SASH1: variants seen among roughly 807,000 people sequenced by gnomAD.
SASH1 encodes SAM and SH3 domain-containing protein 1.
SASH1 carries 44 observed loss-of-function variants against 125.2 expected under a neutral mutation model. The ratio of observed to expected loss-of-function variants is 0.35; its 90% CI spans 0.28 to 0.45. The LOEUF is 0.45. Among genes scored for constraint, SASH1 ranks in the 20% least tolerant of loss-of-function variants. The pLI, the probability that SASH1 is intolerant of heterozygous loss-of-function variation, is 1.00. For synonymous variants in SASH1, 639 were observed against 649.1 expected (o/e 0.98, Z 0.24); for missense variants, 1,426 against 1,614.5 (o/e 0.88, Z 2.00).
At chr6:148,358,963 C>T (rs1213999223) in intron 1 of SASH1, among the ~76,000 whole-genome samples, 2 of 151,982 alleles carry the variant, frequency 1.3e-5, no homozygotes, top group Non-Finnish European at 2.9e-5. Context: ...TCTTGATCTC[C>T]TGACCTTGTG....
At chr6:148,353,863 A>G (rs1781829045) in intron 1 of SASH1, among the ~76,000 whole-genome samples, 1 of 152,188 alleles carries the variant, frequency 6.6e-6, no homozygotes, top group Non-Finnish European at 1.5e-5. Flanking sequence ...TGTGTAAAAT[A>G]TCTTCTATAC....
chr6:148,206,161 C>A, the SASH1 span, among the ~76,000 whole-genome samples: 2 of 152,010 alleles, frequency 1.3e-5, no homozygotes, highest in Non-Finnish European at 2.9e-5. Context: ...AATACATTTT[C>A]ATGGGCCCTT....
intron 4 of SASH1, among the ~76,000 whole-genome samples, chr6:148,447,313 CAG>C (rs1346888379): frequency 6.6e-6 from 1 of 152,156 alleles, no homozygotes; most frequent in Non-Finnish European, 1.5e-5. Flanking sequence ...GCCAATAGAG[CAG>C]TGTTCTGTGG....
chr6:148,415,578 T>TC (rs1784789588), intron 2 of SASH1, among the ~76,000 whole-genome samples: 1 of 152,230 alleles, frequency 6.6e-6, no homozygotes, highest in African/African-American at 2.4e-5. Context: ...CTTGGTATGA[T>TC]CATTAATGTT....
intron 7 of SASH1, among the ~76,000 whole-genome samples, chr6:148,486,250 A>G (rs922461529): frequency 2.2e-4 from 33 of 152,090 alleles, no homozygotes; most frequent in African/African-American, 8.0e-4. Context: ...CCTCCTGAGT[A>G]GCTGGGATTA....
intron 1 of SASH1, among the ~76,000 whole-genome samples, chr6:148,383,807 A>T (rs1165196055): frequency 6.6e-6 from 1 of 152,190 alleles, no homozygotes; most frequent in Non-Finnish European, 1.5e-5. Context: ...TCTCAGAAAT[A>T]CTGTGAAACC....
chr6:148,409,512 A>G (rs1453083138), intron 2 of SASH1, among the ~76,000 whole-genome samples: 1 of 151,832 alleles, frequency 6.6e-6, no homozygotes, highest in African/African-American at 2.4e-5. Flanking sequence ...CTATGTAAGA[A>G]ATTTCTTACC....
At chr6:148,260,695 A>G in the SASH1 span, among the ~76,000 whole-genome samples, 6 of 151,552 alleles carry the variant, frequency 4.0e-5, no homozygotes, top group South Asian at 2.1e-4. Context: ...AAATCTTATG[A>G]TAGAGTTTAT....
At chr6:148,429,755 CAAAA>C (rs1775987742) in intron 2 of SASH1, among the ~76,000 whole-genome samples, 1 of 144,180 alleles carries the variant, frequency 6.9e-6, no homozygotes, top group Non-Finnish European at 1.5e-5. Context: ...TAAAAAAAAA[CAAAA>C]ACAAACAAAC....
chr6:148,452,963 G>A (rs751914372), intron 4 of SASH1, among the ~76,000 whole-genome samples: 7 of 152,244 alleles, frequency 4.6e-5, no homozygotes, highest in Non-Finnish European at 8.8e-5. Flanking sequence ...GCATAACTGC[G>A]TCCACACGTG....
rs191957092 is a variant in SASH1 at position 148,282,083 on chromosome 6, C to A, written n.74+9706C>A. Reference sequence around the variant, plus strand: ...CCATGGAGGTAGACCACGAAGACCTCCTTTTGAAGGACAATCTTGAGGGAA... The same window carrying A: ...CCATGGAGGTAGACCACGAAGACCTACTTTTGAAGGACAATCTTGAGGGAA... On this transcript the variant is annotated intron_variant and non_coding_transcript_variant, in intron 1 of 3. Transcript: ENST00000367469. Among the ~76,000 whole-genome samples, 871 of 152,320 alleles carry A rather than the reference C, an allele frequency of 5.7e-3. 9 individuals carry two copies. The highest frequency in any genetic ancestry group is 0.041 in the Middle Eastern group (12 of 294).
chr6:148,270,939 C>T (rs1206433134), upstream of SASH1, among the ~76,000 whole-genome samples: 3 of 143,096 alleles, frequency 2.1e-5, no homozygotes, highest in Non-Finnish European at 3.0e-5. Context: ...GACAGAGTCT[C>T]GCTCTTGTCG....
chr6:148,330,125 C>T (rs1328009902), intron 1 of SASH1, among the ~76,000 whole-genome samples: 1 of 152,206 alleles, frequency 6.6e-6, no homozygotes, highest in Non-Finnish European at 1.5e-5. Flanking sequence ...TCAACACATA[C>T]TTTTCCCAGA....
At chr6:148,506,490 T>C (rs1366640000) in intron 8 of SASH1, among the ~76,000 whole-genome samples, 1 of 152,010 alleles carries the variant, frequency 6.6e-6, no homozygotes, top group Non-Finnish European at 1.5e-5. Flanking sequence ...ATAATATTAA[T>C]AGTAATAGTA....
intron 1 of SASH1, among the ~76,000 whole-genome samples, chr6:148,307,363 G>A (rs1283528793): frequency 2.0e-5 from 3 of 151,900 alleles, no homozygotes; most frequent in African/African-American, 7.3e-5. Flanking sequence ...TGATCTGCCT[G>A]CCTCGGCCTC....
chr6:148,357,518 C>T (rs748285011), intron 1 of SASH1, among the ~76,000 whole-genome samples: 1 of 152,112 alleles, frequency 6.6e-6, no homozygotes, highest in Non-Finnish European at 1.5e-5. Flanking sequence ...CCAGTTTCCA[C>T]CCAGGCTCCC....
chr6:148,254,748 A>G, the SASH1 span, among the ~76,000 whole-genome samples: 15 of 152,184 alleles, frequency 9.9e-5, no homozygotes, highest in Non-Finnish European at 2.1e-4. Flanking sequence ...AACCTCATTC[A>G]TTGCTGGTGA....
At chr6:148,313,591 C>T (rs1266640494) in intron 1 of SASH1, among the ~76,000 whole-genome samples, 3 of 152,108 alleles carry the variant, frequency 2.0e-5, no homozygotes, top group Admixed American at 6.6e-5. Context: ...AAACCTATGT[C>T]GAGACTTTTT....
the SASH1 span, among the ~76,000 whole-genome samples, chr6:148,211,995 G>A: frequency 3.3e-5 from 5 of 152,320 alleles, no homozygotes; most frequent in Admixed American, 3.3e-4. Flanking sequence ...GCATACTTGG[G>A]TGGGACTGAG....
Sources: allele counts gnomAD v4.1 joint callset (sites outside exome capture counted in the v4.1 genomes callset), GRCh38; gene constraint gnomAD v4.1.1; transcripts MANE v1.5; gene names NCBI Gene and HGNC (gene_info 2026-07-23, HGNC 2026-07-21).